SBF2: variants seen among roughly 807,000 people sequenced by gnomAD.
The protein encoded by SBF2 is myotubularin-related protein 13.
Under a neutral mutation model 225.2 loss-of-function variants are expected in SBF2, and 112 were observed. The ratio of observed to expected loss-of-function variants is 0.50; its 90% confidence interval spans 0.43 to 0.58. The LOEUF is 0.58. Among genes scored for constraint, SBF2 ranks in the 20% least tolerant of loss-of-function variants. The probability of loss-of-function intolerance (pLI) is 0.00; values close to 1 mark genes in which losing one functional copy is unlikely to be tolerated. For synonymous variants in SBF2, 763 were observed against 773.3 expected (o/e 0.99, Z 0.22); for missense variants, 1,996 against 2,206.2 (o/e 0.90, Z 1.91).
At chr11:10,016,372 T>C (rs951861745) in intron 6 of SBF2, 1 of 152,198 alleles carries the variant, frequency 6.6e-6, no homozygotes, top group Non-Finnish European at 1.5e-5. Context: ...AAGTTTTTCA[T>C]TATCCAGAAA....
chr11:10,244,948 AAC>A (rs1959622919), intron 1 of SBF2, among the ~76,000 whole-genome samples: 1 of 151,902 alleles, frequency 6.6e-6, no homozygotes, highest in Non-Finnish European at 1.5e-5. Flanking sequence ...CAGCCTGGAC[AAC>A]ACAGTGAAAC....
In SBF2 at chr11:10,256,362, T is replaced by A. The variant is rs182224115; in HGVS notation, c.55+37653A>T. Among the ~76,000 whole-genome samples the A allele has an allele frequency of 2.0e-4, 30 of 152,336 alleles. No individual in the cohort carries two copies. In the East Asian group the frequency reaches 5.6e-3, roughly 28 times the overall value. On this transcript the variant is annotated intron_variant, in intron 1 of 39. Coordinates refer to ENST00000256190, the MANE Select transcript of SBF2 (RefSeq NM_030962.4). ...TTACTACATTCTCTGATATCTCACA[T>A]TGAAATTCCCTAAGAAAGATAAGAT...
chr11:10,136,402 C>T (rs1161754103), intron 2 of SBF2, among the ~76,000 whole-genome samples: 1 of 152,122 alleles, frequency 6.6e-6, no homozygotes, highest in Admixed American at 6.5e-5. Flanking sequence ...AAGACCAAGC[C>T]ATAATTTGAA....
chr11:9,957,067 A>T lies in SBF2; in HGVS notation c.1860+4890T>A, dbSNP rs948719271. The stretch of plus-strand genomic sequence containing the variant: ...AAAAGTCCTGCTTTAGTGACATGTT[A>T]TTCCCACCAGAAAATAACCCCAATA... On this transcript the variant is annotated intron_variant, in intron 16 of 39. Coordinates refer to ENST00000256190, the MANE Select transcript of SBF2 (RefSeq NM_030962.4). 22 of 152,338 alleles carry T rather than the reference A, an allele frequency of 1.4e-4. No individual in the cohort carries two copies. In the Middle Eastern group the frequency reaches 0.01, roughly 71 times the overall value. The allele number at this position is 152,338 out of a possible 1,614,324, so 9.4% of individuals were successfully genotyped here.
intron 14 of SBF2, among the ~76,000 whole-genome samples, chr11:9,964,784 G>C (rs1169255348): frequency 6.6e-6 from 1 of 152,012 alleles, no homozygotes; most frequent in Non-Finnish European, 1.5e-5. Context: ...ATATTAGAAG[G>C]ATATAAATGA....
At chr11:10,045,099 T>A (rs1163005174) in intron 2 of SBF2, among the ~76,000 whole-genome samples, 1 of 151,956 alleles carries the variant, frequency 6.6e-6, no homozygotes, top group Non-Finnish European at 1.5e-5. Context: ...GGTCCAGTCA[T>A]GAAGGCCCTT....
At chr11:10,257,346 G>A (rs1960949626) in intron 1 of SBF2, among the ~76,000 whole-genome samples, 1 of 152,184 alleles carries the variant, frequency 6.6e-6, no homozygotes, top group Non-Finnish European at 1.5e-5. Flanking sequence ...CATACAGTAA[G>A]AAAGTTCTAT....
chr11:9,800,493 A>G (rs1183151488), intron 32 of SBF2, among the ~76,000 whole-genome samples: 1 of 150,706 alleles, frequency 6.6e-6, no homozygotes, highest in Admixed American at 6.6e-5. Flanking sequence ...TGCAAGCTCC[A>G]CCTCCCGGGT....
intron 16 of SBF2, among the ~76,000 whole-genome samples, chr11:9,933,572 C>T (rs560196176): frequency 1.1e-4 from 17 of 152,142 alleles, no homozygotes; most frequent in African/African-American, 3.6e-4. Flanking sequence ...GGGTACATAA[C>T]GAAATGAAGG....
At chr11:9,980,355 C>T (rs959693465) in intron 13 of SBF2, among the ~76,000 whole-genome samples, 3 of 150,436 alleles carry the variant, frequency 2.0e-5, no homozygotes, top group South Asian at 2.1e-4. Flanking sequence ...AGGCTGGTCT[C>T]GAACTCCTAG....
At chr11:10,151,716 A>C (rs1255128423) in intron 2 of SBF2, among the ~76,000 whole-genome samples, 1 of 152,230 alleles carries the variant, frequency 6.6e-6, no homozygotes, top group Non-Finnish European at 1.5e-5. Flanking sequence ...TATTGAGTAT[A>C]ACATAAAATT....
At chr11:10,226,627 G>C (rs1591258991) in intron 1 of SBF2, among the ~76,000 whole-genome samples, 8 of 152,186 alleles carry the variant, frequency 5.3e-5, no homozygotes, top group African/African-American at 1.9e-4. Context: ...ATGGTTTCTA[G>C]CTTCATCCAT....
At chr11:10,248,446 A>C (rs946310302) in intron 1 of SBF2, among the ~76,000 whole-genome samples, 3 of 152,204 alleles carry the variant, frequency 2.0e-5, no homozygotes, top group African/African-American at 7.2e-5. Flanking sequence ...CAGTTAGGTA[A>C]GGCTTGGGAC....
chr11:9,812,711 G>A lies in SBF2; in HGVS notation c.3979-3C>T, dbSNP rs770421195. The A allele has an allele frequency of 1.2e-6, 2 of 1,614,036 alleles. No individual in the cohort carries two copies. The highest frequency in any genetic ancestry group is 1.7e-6 in the Non-Finnish European group (2 of 1,179,968). ...AAAGCAAATTCTACCTTGAAGTTCT[G>A]CGGATGAAGATTCAGAGAATTAGGC... is the stretch of plus-strand genomic sequence containing the variant. On this transcript the variant is annotated splice_polypyrimidine_tract_variant and splice_region_variant and intron_variant, in intron 29 of 39. Transcript: ENST00000256190.
intron 17 of SBF2, among the ~76,000 whole-genome samples, chr11:9,890,223 T>C (rs547267702): frequency 3.9e-5 from 6 of 152,214 alleles, no homozygotes; most frequent in African/African-American, 7.2e-5. Flanking sequence ...TATTTATTTA[T>C]TTACTTACTT....
At chr11:9,893,458 G>C (rs1860998268) in intron 17 of SBF2, among the ~76,000 whole-genome samples, 1 of 152,224 alleles carries the variant, frequency 6.6e-6, no homozygotes, top group Non-Finnish European at 1.5e-5. Context: ...AGCTTTGCCA[G>C]TAAAGGTGCT....
intron 16 of SBF2, among the ~76,000 whole-genome samples, chr11:9,904,224 A>G (rs972810959): frequency 5.3e-5 from 8 of 152,188 alleles, no homozygotes; most frequent in African/African-American, 1.9e-4. Context: ...TATATATATA[A>G]AACTTAAGGA....
At chr11:10,117,110 T>C (rs1414771051) in intron 2 of SBF2, among the ~76,000 whole-genome samples, 1 of 152,278 alleles carries the variant, frequency 6.6e-6, no homozygotes, top group East Asian at 1.9e-4. Flanking sequence ...TCTTTTACTT[T>C]CATAGTACTG....
chr11:10,119,318 T>C lies in SBF2; in HGVS notation c.141+74584A>G, dbSNP rs554107303. ...TGATTCTCATGAGTAAATACTAGTA[T>C]AAAGAATAAAGTAGAGACAATTTTT... On this transcript the variant is annotated intron_variant, in intron 2 of 39. Coordinates refer to ENST00000256190, the MANE Select transcript of SBF2 (RefSeq NM_030962.4). Among the ~76,000 whole-genome samples, 5 of 152,144 alleles carry C rather than the reference T, an allele frequency of 3.3e-5. No individual in the cohort carries two copies. The East Asian group carries it at 7.7e-4, about 24-fold the overall frequency.
Sources: gnomAD v4.1 joint callset for allele counts (sites outside exome capture counted in the v4.1 genomes callset) on GRCh38, gnomAD v4.1.1 for gene constraint, MANE v1.5 for transcripts, NCBI Gene and HGNC (gene_info 2026-07-23, HGNC 2026-07-21) for gene names.